Variants in GFRA1 observed in about 807,000 individuals in gnomAD.
The protein encoded by GFRA1 is GDNF family receptor alpha-1.
A neutral mutation model predicts 51.6 loss-of-function variants in GFRA1; 16 were observed. The observed-to-expected ratio is 0.31, with a 90% CI of 0.21 to 0.47. GFRA1 has a LOEUF of 0.47. GFRA1 is among the 20% of genes least tolerant of loss of function. The pLI, the probability that GFRA1 is intolerant of heterozygous loss-of-function variation, is 1.00. For synonymous variants in GFRA1, 270 were observed against 241.3 expected, an observed-to-expected ratio of 1.12 and a Z score of -1.10; for missense variants, 530 against 594.3, an observed-to-expected ratio of 0.89 and a Z score of 1.13.
At chr10:116,238,394 A>G (rs1326169356) in intron 4 of GFRA1, among the ~76,000 whole-genome samples, 1 of 152,210 alleles carries the variant, frequency 6.6e-6, no homozygotes, top group Non-Finnish European at 1.5e-5. Flanking sequence ...CCCTCAAGAG[A>G]CATGGAAGGC....
intron 6 of GFRA1, among the ~76,000 whole-genome samples, chr10:116,114,875 C>T (rs1026153898): frequency 6.6e-6 from 1 of 152,168 alleles, no homozygotes; most frequent in African/African-American, 2.4e-5. Flanking sequence ...ACAAAAATAT[C>T]TCATTTAGTC....
chr10:116,168,967 C>T (rs1960764887), intron 5 of GFRA1, among the ~76,000 whole-genome samples: 1 of 152,196 alleles, frequency 6.6e-6, no homozygotes, highest in African/African-American at 2.4e-5. Flanking sequence ...GATATTTAGA[C>T]ATGGGTTCCA....
chr10:116,190,452 A>T (rs1469375722), intron 5 of GFRA1, among the ~76,000 whole-genome samples: 1 of 152,170 alleles, frequency 6.6e-6, no homozygotes, highest in Non-Finnish European at 1.5e-5. Context: ...AGGAGAAGGA[A>T]AGGGAGCCTG....
rs5788142 is a variant in GFRA1, at chr10:116,206,622, C to CTTTTTTTT, written c.433+5001_433+5008dup. On this transcript the variant is annotated intron_variant, in intron 5 of 10. Coordinates refer to ENST00000355422, the MANE Select transcript of GFRA1 (RefSeq NM_005264.8). ...GGTTACACTTCTGAAACCACATTCT[C>CTTTTTTTT]TTTTTTTTTTTTTTTTTTTTTTTGA... 1.4e-3 allele frequency among the ~76,000 whole-genome samples: 122 copies of CTTTTTTTT among 84,508 alleles called. 7 individuals are homozygous for CTTTTTTTT. The highest frequency in any genetic ancestry group is 2.0e-3 in the Admixed American group (12 of 5,936). 55.4% of individuals were successfully genotyped at this position (84,508 alleles called of 152,430 possible). A position where few individuals can be genotyped will look rare whatever the true frequency, so the allele number is the denominator to read the frequency against.
chr10:116,064,590 T>G lies in GFRA1; in HGVS notation c.1252-46A>C, dbSNP rs567263977. Reference sequence around the variant, plus strand: ...ATTATCATCCACTGCATGTCTTCATTCTACCACAGTATACTTTACACTCTC... The same window carrying G: ...ATTATCATCCACTGCATGTCTTCATGCTACCACAGTATACTTTACACTCTC... On this transcript the variant is annotated intron_variant, in intron 10 of 10. Coordinates refer to ENST00000355422, the MANE Select transcript of GFRA1 (RefSeq NM_005264.8). 10 of 1,539,286 alleles carry G rather than the reference T, an allele frequency of 6.5e-6. No homozygotes were observed. The African/African-American group carries it at 1.4e-4, about 21-fold the overall frequency.
chr10:116,235,066 C>A (rs1193407369), intron 4 of GFRA1, among the ~76,000 whole-genome samples: 2 of 152,222 alleles, frequency 1.3e-5, no homozygotes. Context: ...TCAATTAAAT[C>A]TTTCCTTTAT....
At chr10:116,082,533 C>G (rs1018683626) in intron 9 of GFRA1, among the ~76,000 whole-genome samples, 1 of 151,818 alleles carries the variant, frequency 6.6e-6, no homozygotes, top group African/African-American at 2.4e-5. Context: ...AGTGCAAGAG[C>G]GTAATGGTGC....
At chr10:116,112,405 T>A (rs143826994) in intron 6 of GFRA1, among the ~76,000 whole-genome samples, 53 of 152,214 alleles carry the variant, frequency 3.5e-4, no homozygotes, top group Non-Finnish European at 5.0e-4. Context: ...ATCATTTAGT[T>A]CTCCCTGTGG....
intron 5 of GFRA1, among the ~76,000 whole-genome samples, chr10:116,178,993 C>T (rs756373736): frequency 1.8e-4 from 27 of 152,240 alleles, no homozygotes; most frequent in South Asian, 8.3e-4. Context: ...CTGGTTGGAT[C>T]CCATCTGCTC....
chr10:116,116,365 A>G (rs1295853611), intron 6 of GFRA1, among the ~76,000 whole-genome samples: 1 of 152,270 alleles, frequency 6.6e-6, no homozygotes, highest in African/African-American at 2.4e-5. Context: ...TGGTGACACC[A>G]TGGATTATTT....
At chr10:116,119,072 G>A (rs746424053) in intron 6 of GFRA1, among the ~76,000 whole-genome samples, 15 of 152,164 alleles carry the variant, frequency 9.9e-5, no homozygotes, top group Admixed American at 1.3e-4. Flanking sequence ...CTGAGAGCCC[G>A]AGCTGATAGA....
intron 6 of GFRA1, among the ~76,000 whole-genome samples, chr10:116,114,421 G>A (rs951657452): frequency 9.2e-5 from 14 of 152,246 alleles, no homozygotes; most frequent in Admixed American, 3.9e-4. Context: ...CCGCCCCTCC[G>A]TTTTCCCTAA....
intron 5 of GFRA1, among the ~76,000 whole-genome samples, chr10:116,156,363 A>T (rs1235026741): frequency 1.3e-5 from 2 of 152,236 alleles, no homozygotes; most frequent in East Asian, 3.9e-4. Context: ...GAATTTAAAC[A>T]GAATTTTATT....
chr10:116,175,322 A>G (rs2134245704), intron 5 of GFRA1, among the ~76,000 whole-genome samples: 1 of 152,268 alleles, frequency 6.6e-6, no homozygotes, highest in South Asian at 2.1e-4. Flanking sequence ...CTTGGAGGAA[A>G]TATGTGACTT....
Position 116,149,522 on chromosome 10 carries a change from C to T in GFRA1, c.434-23965G>A, listed in dbSNP as rs533194136. Among the ~76,000 whole-genome samples the T allele has an allele frequency of 9.8e-5, 15 of 152,310 alleles. No homozygotes were observed. The South Asian group carries it at 3.1e-3, about 32-fold the overall frequency. ...CTGGAGGAAGAAGATACATTCCCCC[C>T]TGTAGGAAGACACCTATAATTTTAG... is the stretch of plus-strand genomic sequence containing the variant. On this transcript the variant is annotated intron_variant, in intron 5 of 10. Coordinates refer to ENST00000355422, the MANE Select transcript of GFRA1 (RefSeq NM_005264.8).
intron 4 of GFRA1, among the ~76,000 whole-genome samples, chr10:116,234,087 G>T (rs993662636): frequency 6.6e-6 from 1 of 152,268 alleles, no homozygotes; most frequent in East Asian, 1.9e-4. Flanking sequence ...TTACAACCCT[G>T]ATAAATGCAG....
chr10:116,175,527 C>T (rs943713160), intron 5 of GFRA1, among the ~76,000 whole-genome samples: 5 of 152,306 alleles, frequency 3.3e-5, no homozygotes, highest in Non-Finnish European at 7.4e-5. Context: ...TTACAATCCT[C>T]GCCTGGGAAC....
chr10:116,120,334 G>T (rs1270563496), intron 6 of GFRA1, among the ~76,000 whole-genome samples: 12 of 152,180 alleles, frequency 7.9e-5, no homozygotes. Context: ...CTCTTGGGAG[G>T]CTGAGGCAGG....
At position 116,125,422 on chromosome 10, in the gene GFRA1, C is replaced by A; in HGVS notation, c.569G>T (p.Arg190Leu). The change falls in exon 6 of 11, where the codon CGC becomes CTC. Residue 190 changes from arginine to leucine, a missense_variant. Physicochemically the swap from Arg to Leu is moderately radical, Grantham distance 102 (BLOSUM62 -2). Coordinates refer to ENST00000355422, the MANE Select transcript of GFRA1 (RefSeq NM_005264.8). ...CTGCCGGAGGGCCTTGTGGCACTTG[C>A]GGCGGTTGCAGACATCGTTGGACAC... ...TSVSNDVCNR[R>L]KCHKALRQFF... 1 of 1,614,192 alleles carries A rather than the reference C, an allele frequency of 6.2e-7. No homozygotes were observed. The highest frequency in any genetic ancestry group is 1.1e-5 in the South Asian group (1 of 91,078).
Sources: allele counts gnomAD v4.1 joint callset (sites outside exome capture counted in the v4.1 genomes callset), GRCh38; gene constraint gnomAD v4.1.1; transcripts MANE v1.5; gene names NCBI Gene and HGNC (gene_info 2026-07-23, HGNC 2026-07-21).